LYPD6B: variants seen among roughly 807,000 people sequenced by gnomAD.
LYPD6B encodes LY6/PLAUR domain containing 6B.
In LYPD6B, 17 loss-of-function variants were observed where a neutral mutation model predicts 22.8. The observed-to-expected ratio is 0.75, with a 90% CI of 0.51 to 1.12. The LOEUF (loss-of-function observed/expected upper bound fraction) is 1.12. Among genes scored for constraint, LYPD6B ranks in the 50% most tolerant of loss-of-function variants. The pLI, the probability that LYPD6B is intolerant of heterozygous loss-of-function variation, is 0.00. For missense variants in LYPD6B, 221 were observed against 258.3 expected, an observed-to-expected ratio of 0.86 and a Z score of 0.99; for synonymous variants, 106 against 91.6, an observed-to-expected ratio of 1.16 and a Z score of -0.90.
chr2:149,076,563 G>A (rs1285056400), intron 1 of LYPD6B, among the ~76,000 whole-genome samples: 3 of 152,078 alleles, frequency 2.0e-5, no homozygotes, highest in South Asian at 4.1e-4. Flanking sequence ...GAATGGATAA[G>A]GAAATGGTAG....
chr2:149,131,158 A>G, intron 2 of LYPD6B: 1 of 491,768 alleles, frequency 2.0e-6, no homozygotes, highest in Non-Finnish European at 3.6e-6. Context: ...CTTTTTATGA[A>G]AGAACTTTTG....
chr2:149,153,117 G>A (rs1219621777), intron 2 of LYPD6B, among the ~76,000 whole-genome samples: 5 of 152,198 alleles, frequency 3.3e-5, no homozygotes, highest in Admixed American at 1.3e-4. Flanking sequence ...GGTCTTATAG[G>A]TAAGTTGTTT....
chr2:149,074,913 A>G (rs1369657097), intron 1 of LYPD6B, among the ~76,000 whole-genome samples: 1 of 152,198 alleles, frequency 6.6e-6, no homozygotes, highest in African/African-American at 2.4e-5. Context: ...TTCCTCCTCC[A>G]GGCAGCTAGT....
rs1246049403 is a variant in LYPD6B at position 149,172,948 on chromosome 2, CTAA to C, written c.77+12116_77+12118del. 3.3e-5 allele frequency among the ~76,000 whole-genome samples: 5 copies of C among 151,448 alleles called. No individual in the cohort carries two copies. In the East Asian group the frequency reaches 9.7e-4, roughly 29 times the overall value. On this transcript the variant is annotated intron_variant, in intron 3 of 6. Transcript: ENST00000409642. ...TTGCAGATGGGGCTTTTTGGCCTTT[CTAA>C]TATCATAAGCCAATACCTTTTAATA...
chr2:149,067,034 T>A (rs1194874682), intron 1 of LYPD6B, among the ~76,000 whole-genome samples: 2 of 152,192 alleles, frequency 1.3e-5, no homozygotes, highest in Non-Finnish European at 2.9e-5. Flanking sequence ...AATGTTTAGG[T>A]CTCACTTCTA....
intron 2 of LYPD6B, among the ~76,000 whole-genome samples, chr2:149,132,938 G>T (rs771995874): frequency 6.6e-6 from 1 of 152,104 alleles, no homozygotes; most frequent in Non-Finnish European, 1.5e-5. Context: ...AACAGACCAA[G>T]AACAATTATG....
At chr2:149,045,227 T>G (rs188613793) in intron 1 of LYPD6B, among the ~76,000 whole-genome samples, 16 of 152,220 alleles carry the variant, frequency 1.1e-4, no homozygotes, top group African/African-American at 3.8e-4. Context: ...TGTGGTGTTC[T>G]TTTATTAGCC....
intron 2 of LYPD6B, among the ~76,000 whole-genome samples, chr2:149,132,909 T>C (rs1688123212): frequency 6.6e-6 from 1 of 152,214 alleles, no homozygotes; most frequent in Non-Finnish European, 1.5e-5. Context: ...TTTTTTTCTA[T>C]GGTGCATTTC....
chr2:149,088,377 A>G (rs1685498506), intron 1 of LYPD6B, among the ~76,000 whole-genome samples: 1 of 152,216 alleles, frequency 6.6e-6, no homozygotes, highest in African/African-American at 2.4e-5. Flanking sequence ...AGGAAAACCC[A>G]AACAGATACC....
At position 149,088,616 on chromosome 2, in the gene LYPD6B, T is replaced by A. The variant is rs897698546; in HGVS notation, c.-66-42267T>A. 5.3e-5 allele frequency among the ~76,000 whole-genome samples: 8 copies of A among 152,156 alleles called. No homozygotes were observed. The East Asian group carries it at 1.3e-3, about 26-fold the overall frequency. On this transcript the variant is annotated intron_variant, in intron 1 of 6. Transcript: ENST00000409642. ...TTTAATGGTGTAGGTACACAATAAT[T>A]TCTGCACAGCTCTACCACATGACAG... is the stretch of plus-strand genomic sequence containing the variant.
At position 149,208,251 on chromosome 2, in the gene LYPD6B, G is replaced by A. The variant is rs548895824; in HGVS notation, c.230-63G>A. 2.5e-5 allele frequency: 29 copies of A among 1,157,506 alleles called. No individual in the cohort carries two copies. The African/African-American group carries it at 3.8e-4, about 15-fold the overall frequency. The allele number at this position is 1,157,506 out of a possible 1,614,324, so 71.7% of individuals were successfully genotyped here. A position where few individuals can be genotyped will look rare whatever the true frequency, so the allele number is the denominator to read the frequency against. On this transcript the variant is annotated intron_variant, in intron 4 of 6. Transcript: ENST00000409642. Reference sequence around the variant, plus strand: ...GTTAAAGTTGCTCATTTTGTACCATGTTTGATGTTCGAAATTTTTGTCTTC... The same window carrying A: ...GTTAAAGTTGCTCATTTTGTACCATATTTGATGTTCGAAATTTTTGTCTTC...
chr2:149,190,789 G>A (rs1050591466), intron 3 of LYPD6B, among the ~76,000 whole-genome samples: 1 of 152,012 alleles, frequency 6.6e-6, no homozygotes, highest in African/African-American at 2.4e-5. Flanking sequence ...TTCCATATTA[G>A]TGAGATTATC....
At chr2:149,197,554 T>G (rs2106100392) in intron 3 of LYPD6B, among the ~76,000 whole-genome samples, 1 of 152,174 alleles carries the variant, frequency 6.6e-6, no homozygotes, top group East Asian at 1.9e-4. Flanking sequence ...CATCTGGAGG[T>G]CCTCAAAACG....
At chr2:149,046,189 G>C (rs998113103) in intron 1 of LYPD6B, among the ~76,000 whole-genome samples, 4 of 151,960 alleles carry the variant, frequency 2.6e-5, no homozygotes, top group African/African-American at 9.7e-5. Flanking sequence ...AGTCTGCTTT[G>C]GGTGTTAATA....
At chr2:149,099,599 A>G (rs895913725) in intron 1 of LYPD6B, among the ~76,000 whole-genome samples, 8 of 152,152 alleles carry the variant, frequency 5.3e-5, no homozygotes, top group African/African-American at 1.7e-4. Context: ...GTGAGTCCCA[A>G]TAACCAGGAG....
At chr2:149,212,859 G>A in intron 5 of LYPD6B, 133 bp from the exon 6 acceptor site, 1 of 755,388 alleles carries the variant, frequency 1.3e-6, no homozygotes, top group African/African-American at 1.8e-5. Flanking sequence ...GCTATGAAAT[G>A]TCTTGCCTAA....
At chr2:149,174,953 T>TA (rs200896155) in intron 3 of LYPD6B, among the ~76,000 whole-genome samples, 1 of 149,634 alleles carries the variant, frequency 6.7e-6, no homozygotes, top group East Asian at 2.0e-4. Context: ...GAGTTGGAAA[T>TA]AAAAAAAAAT....
intron 1 of LYPD6B, among the ~76,000 whole-genome samples, chr2:149,051,170 TTATTA>T (rs1683534860): frequency 6.6e-6 from 1 of 151,836 alleles, no homozygotes; most frequent in Non-Finnish European, 1.5e-5. Context: ...ATTATTATTA[TTATTA>T]TTTTTTTTGA....
chr2:149,152,563 CGTTA>C (rs1689449139), intron 2 of LYPD6B, among the ~76,000 whole-genome samples: 1 of 152,082 alleles, frequency 6.6e-6, no homozygotes, highest in Non-Finnish European at 1.5e-5. Flanking sequence ...AGGGGCTGGG[CGTTA>C]AGGACAATGG....
Sources: allele counts gnomAD v4.1 joint callset (sites outside exome capture counted in the v4.1 genomes callset), GRCh38; gene constraint gnomAD v4.1.1; transcripts MANE v1.5; gene names NCBI Gene and HGNC (gene_info 2026-07-23, HGNC 2026-07-21).